The following RILPL2 variants were observed in gnomAD, a reference collection of about 807,000 sequenced individuals.
RILPL2 encodes the protein Rab interacting lysosomal protein like 2.
RILPL2 carries 19 observed loss-of-function variants against 22.2 expected under a neutral mutation model. That is an observed-to-expected ratio of 0.86 (90% CI 0.60 to 1.25). RILPL2 has a LOEUF of 1.25. Ranked by LOEUF, RILPL2 falls within the 50% of genes most tolerant of loss-of-function variation. The pLI is 0.00. For missense variants in RILPL2, 243 were observed against 263.6 expected, an observed-to-expected ratio of 0.92 and a Z score of 0.54; for synonymous variants, 123 against 111.6, an observed-to-expected ratio of 1.10 and a Z score of -0.64.
At chr12:123,433,463 G>A (rs142196668) in intron 1 of RILPL2, among the ~76,000 whole-genome samples, 1 of 149,456 alleles carries the variant, frequency 6.7e-6, no homozygotes, top group East Asian at 2.0e-4. Flanking sequence ...TGCCCCAGCT[G>A]GAGTGCAGTG....
rs1879076903 is a variant in RILPL2 at position 123,415,052 on chromosome 12, T to A, written c.*839A>T. The A allele has an allele frequency of 6.6e-6, 1 of 152,012 alleles. No homozygotes were observed. Among genetic ancestry groups the A allele is most frequent in the South Asian group, 2.1e-4 (1 of 4,828 alleles). The allele number at this position is 152,012 out of a possible 1,614,324, so 9.4% of individuals were successfully genotyped here. A position where few individuals can be genotyped will look rare whatever the true frequency, so the allele number is the denominator to read the frequency against. ...AGGCGAAACACATTGAGTAAGCCAC[T>A]GTTATTTACTAAGAAGACAGGCTCA... is the stretch of plus-strand genomic sequence containing the variant. On this transcript the variant is annotated 3_prime_UTR_variant, in exon 4 of 4. Coordinates refer to ENST00000280571, the MANE Select transcript of RILPL2 (RefSeq NM_145058.3).
chr12:123,423,263 G>T, intron 2 of RILPL2, 106 bp from the exon 3 acceptor site: 1 of 688,916 alleles, frequency 1.5e-6, no homozygotes, highest in Non-Finnish European at 2.4e-6. Flanking sequence ...GTGCAGTGGC[G>T]CCATCTCAGC....
intron 2 of RILPL2, among the ~76,000 whole-genome samples, chr12:123,430,271 C>T (rs11519542): frequency 0.3 from 45,069 of 149,486 alleles, 7,607 homozygotes; most frequent in South Asian, 0.47. Flanking sequence ...TAGCCAGGCA[C>T]GGTGGCGGGC....
At chr12:123,434,417 C>CA (rs1003729063) in intron 1 of RILPL2, among the ~76,000 whole-genome samples, 5 of 149,658 alleles carry the variant, frequency 3.3e-5, no homozygotes, top group African/African-American at 1.2e-4. Flanking sequence ...GCTGTCCCCG[C>CA]AAAAAAGACT....
chr12:123,435,352 G>T (rs1005493713), intron 1 of RILPL2, among the ~76,000 whole-genome samples: 5 of 152,142 alleles, frequency 3.3e-5, no homozygotes, highest in African/African-American at 1.2e-4. Flanking sequence ...TGCATTTAGA[G>T]TGTTTCCAGT....
Position 123,423,043 on chromosome 12 carries a change from C to T in RILPL2, c.605+1G>A. On this transcript the variant is annotated splice_donor_variant, in intron 3 of 3. Transcript: ENST00000280571. LOFTEE classifies it high-confidence loss of function. The stretch of plus-strand genomic sequence containing the variant: ...CCGGGGGGCAGCAAGGTGACACTTA[C>T]AGCTTTTTTATGATTGTCTTCTCCT... 2 of 1,607,624 alleles carry T rather than the reference C, an allele frequency of 1.2e-6. No homozygotes were observed. Among genetic ancestry groups the T allele is most frequent in the Non-Finnish European group, 1.7e-6 (2 of 1,174,452 alleles).
At chr12:123,419,156 G>A (rs1243498142) in intron 3 of RILPL2, among the ~76,000 whole-genome samples, 7 of 151,398 alleles carry the variant, frequency 4.6e-5, no homozygotes, top group Non-Finnish European at 7.4e-5. Context: ...GAATACAGGC[G>A]CCCACTACCA....
intron 1 of RILPL2, among the ~76,000 whole-genome samples, chr12:123,432,445 G>T (rs1305633517): frequency 6.6e-6 from 1 of 152,202 alleles, no homozygotes; most frequent in African/African-American, 2.4e-5. Flanking sequence ...GGCTGAAACT[G>T]CAGTGAGCAG....
At chr12:123,421,376 C>T (rs961238933) in intron 3 of RILPL2, among the ~76,000 whole-genome samples, 1 of 152,024 alleles carries the variant, frequency 6.6e-6, no homozygotes, top group Non-Finnish European at 1.5e-5. Flanking sequence ...ATTATCTTTC[C>T]CTTTCCCCAG....
At chr12:123,430,484 G>T in intron 2 of RILPL2, 24 bp downstream of exon 2, 1 of 1,591,252 alleles carries the variant, frequency 6.3e-7, no homozygotes, top group Non-Finnish European at 8.6e-7. Flanking sequence ...CTGGGTGCAG[G>T]ACCCTCCAGG....
In RILPL2 at chr12:123,415,087, T is replaced by C. The variant is rs538202490; in HGVS notation, c.*804A>G. The C allele has an allele frequency of 2.0e-4, 30 of 152,314 alleles. No individual in the cohort carries two copies. The highest frequency in any genetic ancestry group is 7.0e-4 in the African/African-American group (29 of 41,582). 9.4% of individuals were successfully genotyped at this position (152,314 alleles called of 1,614,324 possible). A position where few individuals can be genotyped will look rare whatever the true frequency, so the allele number is the denominator to read the frequency against. On this transcript the variant is annotated 3_prime_UTR_variant, in exon 4 of 4. Coordinates refer to ENST00000280571, the MANE Select transcript of RILPL2 (RefSeq NM_145058.3). Reference sequence around the variant, plus strand: ...TAAGAAGACAGGCTCACGGAATGGTTGCGGCAGCCTCATTAGTTCCTTTGC... The same window carrying C: ...TAAGAAGACAGGCTCACGGAATGGTCGCGGCAGCCTCATTAGTTCCTTTGC...
chr12:123,416,377 T>A (rs1260478402), intron 3 of RILPL2, among the ~76,000 whole-genome samples: 2 of 151,750 alleles, frequency 1.3e-5, no homozygotes, highest in Non-Finnish European at 2.9e-5. Flanking sequence ...CGGTGGCTCA[T>A]GCCTGTAATC....
At chr12:123,417,931 G>A (rs559582115) in intron 3 of RILPL2, among the ~76,000 whole-genome samples, 7 of 151,652 alleles carry the variant, frequency 4.6e-5, no homozygotes, top group South Asian at 4.2e-4. Flanking sequence ...TTACTGTCCC[G>A]TCTACCAGGA....
Position 123,422,002 on chromosome 12 carries a change from TC to T in RILPL2, c.605+1041del, listed in dbSNP as rs1466732289. ...ATCATTTTTGTTTTCTTTCTTTCTC[TC>T]TCTTTTTTTTTTTTTTTGAGATAGG... On this transcript the variant is annotated intron_variant, in intron 3 of 3. Transcript: ENST00000280571. Among the ~76,000 whole-genome samples, 17 of 129,004 alleles carry T rather than the reference TC, an allele frequency of 1.3e-4. No individual in the cohort carries two copies. In the South Asian group the frequency reaches 3.2e-3, roughly 25 times the overall value. The allele number at this position is 129,004 out of a possible 152,430, so 84.6% of individuals were successfully genotyped here.
chr12:123,436,569 A>C lies in RILPL2; in HGVS notation c.-149T>G. The stretch of plus-strand genomic sequence containing the variant: ...GGGGGTGGGCCCGGGGGGATGGTGC[A>C]AGGGGCCGCGCACGCGACTCTTGGG... On this transcript the variant is annotated 5_prime_UTR_variant, in exon 1 of 4. Coordinates refer to ENST00000280571, the MANE Select transcript of RILPL2 (RefSeq NM_145058.3). This position sits in a 1 kb window ranked among gnomAD's most constrained non-coding sequence, Gnocchi z 6.7. The C allele has an allele frequency of 7.7e-7, 1 of 1,297,078 alleles. No individual in the cohort carries two copies. The allele number at this position is 1,297,078 out of a possible 1,614,324, so 80.3% of individuals were successfully genotyped here.
Position 123,433,538 on chromosome 12 carries a change from C to T in RILPL2, c.339+2544G>A, listed in dbSNP as rs116063048. Among the ~76,000 whole-genome samples the T allele has an allele frequency of 7.6e-3, 1,154 of 152,226 alleles. 15 individuals carry two copies. The highest frequency in any genetic ancestry group is 0.027 in the African/African-American group (1,103 of 41,542). ...CAAGTGATTCTTGTGCCTCAGCCTC[C>T]GAGTAGCTGGATTACAAGCGTGTGC... On this transcript the variant is annotated intron_variant, in intron 1 of 3. Coordinates refer to ENST00000280571, the MANE Select transcript of RILPL2 (RefSeq NM_145058.3).
At chr12:123,409,714 CTTTTTTTTTTTTTTTTTT>C in the RILPL2 span, among the ~76,000 whole-genome samples, 1 of 90,586 alleles carries the variant, frequency 1.1e-5, no homozygotes, top group South Asian at 3.8e-4. Context: ...CACACCTGGC[CTTTTTTTTTTTTTTTTTT>C]TTTTTTTTTT....
rs1020402770 is a variant in RILPL2, at chr12:123,430,386, G to A, written c.491+122C>T. Reference sequence around the variant, plus strand: ...ATCGCGCCACTGCACTCCAGCCTGGGCGACAGAGCGAGACTCTGTCTCAAA... The same window carrying A: ...ATCGCGCCACTGCACTCCAGCCTGGACGACAGAGCGAGACTCTGTCTCAAA... On this transcript the variant is annotated intron_variant, in intron 2 of 3. Transcript: ENST00000280571. 15 of 966,748 alleles carry A rather than the reference G, an allele frequency of 1.6e-5. No individual in the cohort carries two copies. The South Asian group carries it at 2.0e-4, about 13-fold the overall frequency. The allele number at this position is 966,748 out of a possible 1,614,324, so 59.9% of individuals were successfully genotyped here.
intron 2 of RILPL2, among the ~76,000 whole-genome samples, chr12:123,427,437 C>T (rs1879473701): frequency 6.6e-6 from 1 of 152,158 alleles, no homozygotes; most frequent in Admixed American, 6.6e-5. Context: ...AAAACAGAAT[C>T]CACCTCTTGA....
Sources: allele counts gnomAD v4.1 joint callset (sites outside exome capture counted in the v4.1 genomes callset), GRCh38; gene constraint gnomAD v4.1.1; non-coding constraint Gnocchi (gnomAD v3.1); transcripts MANE v1.5; gene names NCBI Gene and HGNC (gene_info 2026-07-23, HGNC 2026-07-21).